Variants in URAD observed in about 807,000 individuals in gnomAD.
URAD encodes putative 2-oxo-4-hydroxy-4-carboxy-5-ureidoimidazoline decarboxylase.
In URAD, 4 loss-of-function variants were observed where a neutral mutation model predicts 4.6. That is an observed-to-expected ratio of 0.87 (90% CI 0.43 to 1.98). URAD has a LOEUF of 1.98. URAD is among the 30% of genes most tolerant of loss of function. The probability of loss-of-function intolerance (pLI) is 0.03; values close to 1 mark genes in which losing one functional copy is unlikely to be tolerated. For synonymous variants in URAD, 144 were observed against 118.2 expected, an observed-to-expected ratio of 1.22 and a Z score of -1.41; for missense variants, 300 against 255.3, an observed-to-expected ratio of 1.18 and a Z score of -1.19.
intron 1 of URAD, among the ~76,000 whole-genome samples, chr13:27,985,169 T>A (rs1290112282): frequency 1.3e-5 from 2 of 151,630 alleles, no homozygotes; most frequent in Admixed American, 1.3e-4. Context: ...AAATCTACTC[T>A]CTTGAAGGTG....
intron 1 of URAD, 50 bp downstream of exon 1, chr13:27,988,413 A>G (rs1433293294): frequency 4.0e-6 from 6 of 1,516,470 alleles, no homozygotes; most frequent in Non-Finnish European, 5.3e-6. Flanking sequence ...ATATTTTAAC[A>G]AGCATATTTG....
intron 1 of URAD, among the ~76,000 whole-genome samples, chr13:27,985,320 T>C (rs1869994815): frequency 3.3e-5 from 5 of 151,932 alleles, no homozygotes; most frequent in Admixed American, 3.3e-4. Context: ...TAGCTGGGCA[T>C]GGTGGCAGGT....
chr13:27,979,320 C>A (rs1297446609), intron 1 of URAD, among the ~76,000 whole-genome samples: 2 of 152,114 alleles, frequency 1.3e-5, no homozygotes, highest in African/African-American at 4.8e-5. Flanking sequence ...AAAACTCTGG[C>A]GAGTTACCTG....
At chr13:27,978,737 G>A (rs1045089702) in intron 1 of URAD, among the ~76,000 whole-genome samples, 7 of 151,962 alleles carry the variant, frequency 4.6e-5, no homozygotes, top group African/African-American at 1.7e-4. Flanking sequence ...GAAGTGACAC[G>A]TTTGTCTTTT....
rs573235827 is a variant in URAD, at chr13:27,978,066, C to G, written c.*40G>C. The G allele has an allele frequency of 3.0e-5, 42 of 1,407,288 alleles. 1 individual carries two copies. In the South Asian group the frequency reaches 5.8e-4, roughly 20 times the overall value. 87.2% of individuals were successfully genotyped at this position (1,407,288 alleles called of 1,614,324 possible). A position where few individuals can be genotyped will look rare whatever the true frequency, so the allele number is the denominator to read the frequency against. On this transcript the variant is annotated 3_prime_UTR_variant, in exon 2 of 2. Transcript: ENST00000332715. ...ACAGCTCCGGGCCGTGGCCCCCGCG[C>G]GTCCGGTTGTGCGTCCCGGGTCCCT... is the stretch of plus-strand genomic sequence containing the variant.
At chr13:27,979,413 C>G (rs994609566) in intron 1 of URAD, among the ~76,000 whole-genome samples, 2 of 152,176 alleles carry the variant, frequency 1.3e-5, no homozygotes, top group African/African-American at 4.8e-5. Context: ...TTAGAACCCT[C>G]GGGGCGAGGC....
intron 1 of URAD, among the ~76,000 whole-genome samples, chr13:27,988,033 A>C (rs1307505883): frequency 1.3e-5 from 2 of 152,166 alleles, no homozygotes; most frequent in African/African-American, 4.8e-5. Context: ...ATTTTGGCTC[A>C]CTGCAATCTC....
In URAD at chr13:27,978,226, C is replaced by A; in HGVS notation, c.402G>T (p.Glu134Asp). ...ACGGGCAGAGCAGCCGGCGCGCCAG[C>A]TCGCGCGGCACCGCCGTCCGGTCGC... The part of the protein sequence containing the change: ...RFSDRTAVPR[E>D]LARRLLCPSA... The change falls in exon 2 of 2, where the codon GAG (glutamate) becomes GAT (aspartate). Residue 134 changes from glutamate to aspartate, a missense_variant. Physicochemically the swap from Glu to Asp is conservative, Grantham distance 45. Transcript: ENST00000332715. 1 of 1,470,000 alleles carries A rather than the reference C, an allele frequency of 6.8e-7. No homozygotes were observed. Among genetic ancestry groups the A allele is most frequent in the South Asian group, 1.3e-5 (1 of 75,314 alleles). 91.1% of individuals were successfully genotyped at this position (1,470,000 alleles called of 1,614,324 possible). A position where few individuals can be genotyped will look rare whatever the true frequency, so the allele number is the denominator to read the frequency against.
intron 1 of URAD, 39 bp from the exon 2 acceptor site, chr13:27,978,491 C>T (rs959371230): frequency 1.6e-6 from 2 of 1,287,580 alleles, no homozygotes; most frequent in South Asian, 4.8e-5. Context: ...GCGCGTCAAC[C>T]GCGCCCGTCC....
rs112196186 is a variant in URAD, at chr13:27,983,176, C to T, written c.176-4724G>A. Among the ~76,000 whole-genome samples, 6 of 152,274 alleles carry T rather than the reference C, an allele frequency of 3.9e-5. 1 individual carries two copies. Among genetic ancestry groups the T allele is most frequent in the African/African-American group, 1.4e-4 (6 of 41,558 alleles). Reference sequence around the variant, plus strand: ...CTTACTATTTTCCAACTACCTTGATCTTTCTGTGCCCCAAAAATGTCGAGT... The same window carrying T: ...CTTACTATTTTCCAACTACCTTGATTTTTCTGTGCCCCAAAAATGTCGAGT... On this transcript the variant is annotated intron_variant, in intron 1 of 1. Transcript: ENST00000332715.
chr13:27,981,686 C>T (rs74041509), intron 1 of URAD, among the ~76,000 whole-genome samples: 5,503 of 152,164 alleles, frequency 0.036, 304 homozygotes, highest in African/African-American at 0.13. Context: ...ATGTTCTTAC[C>T]CCTGGTACGA....
At chr13:27,978,518 G>C (rs972950341) in intron 1 of URAD, 66 bp from the exon 2 acceptor site, 51 of 1,207,468 alleles carry the variant, frequency 4.2e-5, no homozygotes, top group South Asian at 2.4e-4. Flanking sequence ...GCGCACTCGA[G>C]GGGGCGCGTA....
At chr13:27,986,505 G>C (rs1398322923) in intron 1 of URAD, among the ~76,000 whole-genome samples, 3 of 151,318 alleles carry the variant, frequency 2.0e-5, no homozygotes, top group African/African-American at 4.9e-5. Context: ...TGAGCAATAA[G>C]ATGAAAATGG....
At position 27,978,013 on chromosome 13, in the gene URAD, G is replaced by A; in HGVS notation, c.*93C>T. Reference sequence around the variant, plus strand: ...TGCACGTGTGTGGACGCTGTTCCAGGCCCGAGTCCGCCTCCCGCCCAGGAC... The same window carrying A: ...TGCACGTGTGTGGACGCTGTTCCAGACCCGAGTCCGCCTCCCGCCCAGGAC... On this transcript the variant is annotated 3_prime_UTR_variant, in exon 2 of 2. Coordinates refer to ENST00000332715, the MANE Select transcript of URAD (RefSeq NM_001105577.2). 9.2e-7 allele frequency: 1 copy of A among 1,090,196 alleles called. No homozygotes were observed. The highest frequency in any genetic ancestry group is 1.2e-6 in the Non-Finnish European group (1 of 819,332). The allele number at this position is 1,090,196 out of a possible 1,614,324, so 67.5% of individuals were successfully genotyped here.
chr13:27,987,470 C>T (rs1870061907), intron 1 of URAD, among the ~76,000 whole-genome samples: 1 of 152,208 alleles, frequency 6.6e-6, no homozygotes, highest in African/African-American at 2.4e-5. Flanking sequence ...CAGGGAGTTG[C>T]TGATCTGAAT....
Position 27,986,324 on chromosome 13 carries a change from T to C in URAD, c.175+2139A>G, listed in dbSNP as rs144114916. ...CTGTTCACTCTGTGATCTGGGATTC[T>C]GACACTAGCCAGGAGACAGAGGTTT... On this transcript the variant is annotated intron_variant, in intron 1 of 1. Transcript: ENST00000332715. Among the ~76,000 whole-genome samples the C allele has an allele frequency of 1.9e-3, 293 of 152,322 alleles. 1 individual carries two copies. Among genetic ancestry groups the C allele is most frequent in the African/African-American group, 6.8e-3 (281 of 41,588 alleles).
In URAD at chr13:27,977,742, TC is replaced by T. The variant is rs1479708474; in HGVS notation, c.*363del. Reference sequence around the variant, plus strand: ...TGTGGCATAAAAGATTCCTTTTCCGTCCGTTTTGCTTTGCAGTTCGGGCTTA... The same window carrying T: ...TGTGGCATAAAAGATTCCTTTTCCGTCGTTTTGCTTTGCAGTTCGGGCTTA... On this transcript the variant is annotated 3_prime_UTR_variant, in exon 2 of 2. Transcript: ENST00000332715. 3.8e-6 allele frequency: 1 copy of T among 262,648 alleles called. No individual in the cohort carries two copies. Among genetic ancestry groups the T allele is most frequent in the Non-Finnish European group, 7.2e-6 (1 of 139,354 alleles). 16.3% of individuals were successfully genotyped at this position (262,648 alleles called of 1,614,324 possible).
intron 1 of URAD, among the ~76,000 whole-genome samples, chr13:27,981,604 T>C (rs1437800303): frequency 6.6e-6 from 1 of 152,052 alleles, no homozygotes; most frequent in Non-Finnish European, 1.5e-5. Flanking sequence ...GGGCAGGCAA[T>C]TGTGGCCATG....
intron 1 of URAD, among the ~76,000 whole-genome samples, chr13:27,987,895 T>TAGAC (rs1321074204): frequency 7.5e-5 from 3 of 39,836 alleles, no homozygotes; most frequent in Non-Finnish European, 1.4e-4. Context: ...AGATAGATGA[T>TAGAC]AGATAGATAG....
Sources: gnomAD v4.1 joint callset for allele counts (sites outside exome capture counted in the v4.1 genomes callset) on GRCh38, gnomAD v4.1.1 for gene constraint, MANE v1.5 for transcripts, NCBI Gene and HGNC (gene_info 2026-07-23, HGNC 2026-07-21) for gene names.